SOAT1: variants seen among roughly 807,000 people sequenced by gnomAD.
SOAT1 encodes sterol O-acyltransferase 1, also known as acyl-coenzyme A:cholesterol acyltransferase 1.
In SOAT1, 55 loss-of-function variants were observed where a neutral mutation model predicts 69.5. The observed-to-expected ratio is 0.79, with a 90% CI of 0.64 to 0.99. SOAT1 has a LOEUF of 0.99. Among genes scored for constraint, SOAT1 ranks in the 50% least tolerant of loss-of-function variants. SOAT1 has a pLI of 0.00. For missense variants in SOAT1, 580 were observed against 669.3 expected, an observed-to-expected ratio of 0.87 and a Z score of 1.47; for synonymous variants, 231 against 224.7, an observed-to-expected ratio of 1.03 and a Z score of -0.25.
At chr1:179,307,798 T>G (rs919626037) in intron 2 of SOAT1, among the ~76,000 whole-genome samples, 3 of 151,988 alleles carry the variant, frequency 2.0e-5, no homozygotes, top group Non-Finnish European at 4.4e-5. Flanking sequence ...TTATCTTTTT[T>G]TTTTTTTTTT....
intron 2 of SOAT1, among the ~76,000 whole-genome samples, chr1:179,311,320 T>C (rs568244291): frequency 1.3e-5 from 2 of 152,220 alleles, no homozygotes; most frequent in African/African-American, 4.8e-5. Flanking sequence ...GAGCTAGGAT[T>C]GCACCACTGC....
Position 179,353,675 on chromosome 1 carries a change from G to T in SOAT1, c.*34G>T, listed in dbSNP as rs41314037. 0.015 allele frequency: 23,139 copies of T among 1,561,750 alleles called. 212 individuals are homozygous for T. Among genetic ancestry groups the T allele is most frequent in the Non-Finnish European group, 0.017 (19,199 of 1,133,010 alleles). On this transcript the variant is annotated 3_prime_UTR_variant, in exon 16 of 16. Coordinates refer to ENST00000367619, the MANE Select transcript of SOAT1 (RefSeq NM_003101.6). Reference sequence around the variant, plus strand: ...ACTTTGTTTCCTCCTTGTCACTGAAGATTGGGTAGCTCCCTGATTTGGAGC... The same window carrying T: ...ACTTTGTTTCCTCCTTGTCACTGAATATTGGGTAGCTCCCTGATTTGGAGC...
At chr1:179,315,946 A>G (rs984640809) in intron 2 of SOAT1, among the ~76,000 whole-genome samples, 31 of 152,226 alleles carry the variant, frequency 2.0e-4, no homozygotes, top group African/African-American at 6.8e-4. Flanking sequence ...AATTAAAAAT[A>G]TATTCTTTAA....
chr1:179,311,507 C>G (rs1466153008), intron 2 of SOAT1, among the ~76,000 whole-genome samples: 2 of 151,954 alleles, frequency 1.3e-5, no homozygotes, highest in Admixed American at 6.6e-5. Flanking sequence ...AATTCTTTCT[C>G]AGAACATTTT....
At chr1:179,349,311 G>T (rs1200049928) in intron 13 of SOAT1, among the ~76,000 whole-genome samples, 2 of 146,288 alleles carry the variant, frequency 1.4e-5, no homozygotes, top group Non-Finnish European at 3.0e-5. Context: ...GTTTTTCATG[G>T]TTAAAGGTAG....
At chr1:179,341,852 G>C (rs111651181) in intron 7 of SOAT1, among the ~76,000 whole-genome samples, 2 of 152,132 alleles carry the variant, frequency 1.3e-5, no homozygotes, top group African/African-American at 4.8e-5. Flanking sequence ...TATTTTTGAT[G>C]CATCAAGATT....
At chr1:179,323,170 A>G (rs897346010) in intron 2 of SOAT1, among the ~76,000 whole-genome samples, 8 of 151,376 alleles carry the variant, frequency 5.3e-5, no homozygotes, top group Non-Finnish European at 1.2e-4. Context: ...CAGGGAATCT[A>G]ATTTCCCATG....
rs375449371 is a variant in SOAT1 at position 179,342,891 on chromosome 1, T to G, written c.889T>G (p.Tyr297Asp). Residue 297 changes from tyrosine to aspartate, a missense_variant, in exon 9 of 16, where the codon TAT becomes GAT. Transcript: ENST00000367619. The part of the protein sequence containing the change: ...STVPIPTVNQ[Y>D]LYFLFAPTLI... ...TGTTCCAATACCTACAGTCAACCAG[T>G]ATTTGTACTTCTTATTTGCTCCTAC... is the stretch of plus-strand genomic sequence containing the variant. 3.7e-6 allele frequency: 6 copies of G among 1,613,710 alleles called. No individual in the cohort carries two copies. Among genetic ancestry groups the G allele is most frequent in the Non-Finnish European group, 4.2e-6 (5 of 1,179,744 alleles).
At chr1:179,335,098 G>A (rs1207408235) in intron 3 of SOAT1, among the ~76,000 whole-genome samples, 4 of 151,224 alleles carry the variant, frequency 2.6e-5, no homozygotes, top group East Asian at 1.9e-4. Context: ...GCACAGTGCC[G>A]CCTGCCTGTA....
At position 179,329,476 on chromosome 1, in the gene SOAT1, A is replaced by C. The variant is rs991320430; in HGVS notation, c.177+5981A>C. Among the ~76,000 whole-genome samples, 5 of 152,184 alleles carry C rather than the reference A, an allele frequency of 3.3e-5. No individual in the cohort carries two copies. In the South Asian group the frequency reaches 1.0e-3, roughly 31 times the overall value. ...CATGGTAGCTCACGCCTGTAATCCC[A>C]GCACTTTGAGAGGTTGAGGCTGGCG... On this transcript the variant is annotated intron_variant, in intron 3 of 15. Coordinates refer to ENST00000367619, the MANE Select transcript of SOAT1 (RefSeq NM_003101.6).
At chr1:179,304,034 T>C (rs1381367104) in intron 2 of SOAT1, among the ~76,000 whole-genome samples, 2 of 152,234 alleles carry the variant, frequency 1.3e-5, no homozygotes, top group African/African-American at 4.8e-5. Context: ...ATTGTCCTAG[T>C]TCATTAAGTT....
chr1:179,317,500 T>A (rs1221207942), intron 2 of SOAT1, among the ~76,000 whole-genome samples: 2 of 131,920 alleles, frequency 1.5e-5, no homozygotes, highest in African/African-American at 5.8e-5. Flanking sequence ...GCCACTACCC[T>A]CCAGCCTGGG....
chr1:179,319,621 A>G (rs1419026146), intron 2 of SOAT1, among the ~76,000 whole-genome samples: 1 of 151,012 alleles, frequency 6.6e-6, no homozygotes, highest in Non-Finnish European at 1.5e-5. Flanking sequence ...TTTTTATTTT[A>G]TTTTACTTTA....
chr1:179,312,615 TC>T (rs1665258577), intron 2 of SOAT1, among the ~76,000 whole-genome samples: 1 of 152,214 alleles, frequency 6.6e-6, no homozygotes. Flanking sequence ...AACAATAGTC[TC>T]CAGTGCCCTG....
At position 179,325,342 on chromosome 1, in the gene SOAT1, C is replaced by T. The variant is rs893758166; in HGVS notation, c.177+1847C>T. Among the ~76,000 whole-genome samples, 44 of 142,234 alleles carry T rather than the reference C, an allele frequency of 3.1e-4. No individual in the cohort carries two copies. The South Asian group carries it at 3.2e-3, about 10-fold the overall frequency. 93.3% of individuals were successfully genotyped at this position (142,234 alleles called of 152,430 possible). A position where few individuals can be genotyped will look rare whatever the true frequency, so the allele number is the denominator to read the frequency against. ...TTTTTTTTGTATTTTTTGGTAGAGA[C>T]GGGGTTTCACCGTGTTAGCCAGGAT... On this transcript the variant is annotated intron_variant, in intron 3 of 15. Transcript: ENST00000367619.
intron 2 of SOAT1, among the ~76,000 whole-genome samples, chr1:179,323,118 AT>A: frequency 8.0e-6 from 1 of 124,340 alleles, no homozygotes; most frequent in Middle Eastern, 4.3e-3. Context: ...GTTTTTTAAT[AT>A]TTTACCCAGC....
At chr1:179,326,376 T>C (rs891197497) in intron 3 of SOAT1, among the ~76,000 whole-genome samples, 2 of 152,182 alleles carry the variant, frequency 1.3e-5, no homozygotes, top group African/African-American at 4.8e-5. Context: ...CTACTTAGTT[T>C]ATACCCCTAC....
At chr1:179,328,906 A>AT (rs1665875375) in intron 3 of SOAT1, among the ~76,000 whole-genome samples, 1 of 151,872 alleles carries the variant, frequency 6.6e-6, no homozygotes, top group Non-Finnish European at 1.5e-5. Flanking sequence ...TTTGCTGGGC[A>AT]TGATTGTGCG....
At chr1:179,325,251 A>G (rs1252698409) in intron 3 of SOAT1, among the ~76,000 whole-genome samples, 2 of 145,138 alleles carry the variant, frequency 1.4e-5, no homozygotes, top group Non-Finnish European at 3.0e-5. Flanking sequence ...CCGGGTTCAC[A>G]CCATTCTCCT....
Sources: gnomAD v4.1 joint callset for allele counts (sites outside exome capture counted in the v4.1 genomes callset) on GRCh38, gnomAD v4.1.1 for gene constraint, MANE v1.5 for transcripts, NCBI Gene and HGNC (gene_info 2026-07-23, HGNC 2026-07-21) for gene names.